Variants in CPSF6 observed in about 807,000 individuals in gnomAD.
CPSF6 encodes cleavage and polyadenylation specific factor 6, also known as cleavage and polyadenylation specificity factor subunit 6.
CPSF6 carries 10 observed loss-of-function variants against 56.7 expected under a neutral mutation model. That is an observed-to-expected ratio of 0.18 (90% confidence interval 0.11 to 0.30). The LOEUF is 0.30. Among genes scored for constraint, CPSF6 ranks in the 10% least tolerant of loss-of-function variants. CPSF6 has a pLI of 1.00. For missense variants in CPSF6, 419 were observed against 722.9 expected, an observed-to-expected ratio of 0.58 and a Z score of 4.82; for synonymous variants, 248 against 244.8, an observed-to-expected ratio of 1.01 and a Z score of -0.12.
chr12:69,258,305 G>A lies in CPSF6; in HGVS notation c.695-285G>A, dbSNP rs2120564290. On this transcript the variant is annotated intron_variant, in intron 5 of 9. Transcript: ENST00000435070. The surrounding 1 kb of genome is among the most constrained non-coding windows in gnomAD (Gnocchi z 4.2). ...TATAAGGTGGGTGATTTCACTGTAA[G>A]AAGTGTGTGTACACGGAAAGATGGA... The A allele has an allele frequency of 5.0e-6, 3 of 601,774 alleles. No homozygotes were observed. The highest frequency in any genetic ancestry group is 4.6e-5 in the South Asian group (2 of 43,424). 37.3% of individuals were successfully genotyped at this position (601,774 alleles called of 1,614,324 possible). A position where few individuals can be genotyped will look rare whatever the true frequency, so the allele number is the denominator to read the frequency against.
At chr12:69,252,371 A>G (rs1486539609) in intron 2 of CPSF6, among the ~76,000 whole-genome samples, 4 of 152,206 alleles carry the variant, frequency 2.6e-5, no homozygotes, top group African/African-American at 9.7e-5. Context: ...TGCCCAGCCT[A>G]TTTACATTTC....
chr12:69,258,985 C>T lies in CPSF6; in HGVS notation c.1090C>T (p.Pro364Ser). ...APHVNPAFFP[P>S]PTNSGMPTSD... The stretch of plus-strand genomic sequence containing the variant: ...GCATGTGAACCCAGCTTTCTTTCCT[C>T]CACCAACTAACAGTGGCATGCCTAC... Residue 364 changes from proline (P) to serine (S), a missense_variant, in exon 6 of 10, where the codon CCA becomes TCA. Physicochemically the swap from Pro to Ser is moderately conservative, Grantham distance 74 (BLOSUM62 -1). This residue lies in a region of CPSF6 where 211 missense variants were observed against 296.0 expected (regional missense o/e 0.71). Transcript: ENST00000435070. The surrounding 1 kb of genome is among the most constrained non-coding windows in gnomAD (Gnocchi z 4.2). The T allele has an allele frequency of 6.2e-7, 1 of 1,613,344 alleles. No homozygotes were observed. The highest frequency in any genetic ancestry group is 8.5e-7 in the Non-Finnish European group (1 of 1,180,036).
At chr12:69,252,040 A>G (rs1486124607) in intron 2 of CPSF6, 2 of 455,970 alleles carry the variant, frequency 4.4e-6, no homozygotes, top group Non-Finnish European at 8.8e-6. Flanking sequence ...CATTTCCTTA[A>G]TAACACTGTA....
At chr12:69,262,319 AT>A in intron 8 of CPSF6, 53 bp from the exon 9 acceptor site, 1 of 1,448,436 alleles carries the variant, frequency 6.9e-7, no homozygotes, top group African/African-American at 1.4e-5. Flanking sequence ...AAAATTGAAT[AT>A]TTTTAGGCTA....
Position 69,239,716 on chromosome 12 carries a change from A to C in CPSF6, c.60+10A>C. On this transcript the variant is annotated intron_variant, in intron 1 of 9. Transcript: ENST00000435070. The stretch of plus-strand genomic sequence containing the variant: ...CGAAGAGTTCAACCAGGTACGTGAG[A>C]GCCCAGGTCCCCGCCGCCGACGCGG... 1 of 1,571,640 alleles carries C rather than the reference A, an allele frequency of 6.4e-7. No individual in the cohort carries two copies. Among genetic ancestry groups the C allele is most frequent in the Non-Finnish European group, 8.6e-7 (1 of 1,159,710 alleles).
At chr12:69,256,634 G>A (rs1806614030) in intron 3 of CPSF6, 63 bp from the exon 4 acceptor site, 1 of 1,479,622 alleles carries the variant, frequency 6.8e-7, no homozygotes, top group East Asian at 2.3e-5. Flanking sequence ...TTTTACAGAA[G>A]AATAACAGTA....
At chr12:69,251,410 C>T in intron 2 of CPSF6, 72 bp downstream of exon 2, 1 of 1,021,368 alleles carries the variant, frequency 9.8e-7, no homozygotes, top group Non-Finnish European at 1.4e-6. Context: ...TAATGTTTTT[C>T]TCCAGATTTT....
At chr12:69,250,590 CAAAAA>C (rs61337613) in intron 1 of CPSF6, among the ~76,000 whole-genome samples, 4 of 48,860 alleles carry the variant, frequency 8.2e-5, no homozygotes, top group African/African-American at 1.6e-4. Flanking sequence ...CTGGTCTCTA[CAAAAA>C]AAAAAAAAAA....
At chr12:69,264,488 A>G (rs1303843921) in intron 9 of CPSF6, among the ~76,000 whole-genome samples, 4 of 152,140 alleles carry the variant, frequency 2.6e-5, no homozygotes, top group Admixed American at 2.0e-4. Flanking sequence ...ACACCTAAAT[A>G]TATCATGACT....
rs950853400 is a variant in CPSF6 at position 69,259,614 on chromosome 12, C to A, written c.1315+71C>A. 3.2e-6 allele frequency: 4 copies of A among 1,265,702 alleles called. No individual in the cohort carries two copies. In the Admixed American group the frequency reaches 7.1e-5, roughly 22 times the overall value. 78.4% of individuals were successfully genotyped at this position (1,265,702 alleles called of 1,614,324 possible). On this transcript the variant is annotated intron_variant, in intron 7 of 9. Coordinates refer to ENST00000435070, the MANE Select transcript of CPSF6 (RefSeq NM_007007.3). The stretch of plus-strand genomic sequence containing the variant: ...AATGACCTAAAAATGTAAGTACAAT[C>A]TAGAAGATAGGTCATTTACATGTAG...
At position 69,258,800 on chromosome 12, in the gene CPSF6, G is replaced by A. The variant is rs1872619832; in HGVS notation, c.905G>A (p.Gly302Asp). 1.2e-6 allele frequency: 2 copies of A among 1,613,518 alleles called. No individual in the cohort carries two copies. Among genetic ancestry groups the A allele is most frequent in the South Asian group, 1.1e-5 (1 of 91,042 alleles). ...LPPGPPPPVP[G>D]YGPPPGPPPP... ...CCTGGCCCTCCACCTCCAGTTCCAG[G>A]CTACGGCCCCCCTCCTGGCCCACCA... The change falls in exon 6 of 10, where the codon GGC becomes GAC. Residue 302 changes from glycine (G) to aspartate (D), a missense_variant. Gly to Asp is a moderately conservative substitution (Grantham distance 94). This residue lies in a region of CPSF6 where 211 missense variants were observed against 296.0 expected (regional missense o/e 0.71). Transcript: ENST00000435070. The surrounding 1 kb of genome is among the most constrained non-coding windows in gnomAD (Gnocchi z 4.2).
rs1286779613 is a variant in CPSF6 at position 69,271,272 on chromosome 12, A to T, written c.*1764A>T. On this transcript the variant is annotated 3_prime_UTR_variant, in exon 10 of 10. Transcript: ENST00000435070. ...TAACATTATTTTAGAGTTGTATCAA[A>T]ATTTTCCTGTTTTCTGTATATTGTT... 6.6e-6 allele frequency: 1 copy of T among 152,098 alleles called. No homozygotes were observed. The highest frequency in any genetic ancestry group is 1.5e-5 in the Non-Finnish European group (1 of 67,660). 9.4% of individuals were successfully genotyped at this position (152,098 alleles called of 1,614,324 possible).
intron 1 of CPSF6, among the ~76,000 whole-genome samples, chr12:69,250,714 T>C (rs534735667): frequency 2.6e-5 from 4 of 152,248 alleles, no homozygotes; most frequent in Admixed American, 2.6e-4. Context: ...TGGCACGATC[T>C]TGGCTCACTA....
chr12:69,240,353 G>A (rs901634470), intron 1 of CPSF6, among the ~76,000 whole-genome samples: 1 of 152,230 alleles, frequency 6.6e-6, no homozygotes, highest in African/African-American at 2.4e-5. Context: ...AGGCGACTGA[G>A]GTGCGGGCTC....
At position 69,260,009 on chromosome 12, in the gene CPSF6, T is replaced by C. The variant is rs200281053; in HGVS notation, c.1316-35T>C. The C allele has an allele frequency of 1.1e-4, 175 of 1,601,394 alleles. No homozygotes were observed. In the African/African-American group the frequency reaches 2.0e-3, roughly 18 times the overall value. On this transcript the variant is annotated intron_variant, in intron 7 of 9. Transcript: ENST00000435070. ...TTTGATGGTGTTTTGAAAACAAAATTTGTTTGACTTCAAACCCTTTCCTTT... is the reference window on the plus strand; with the variant it reads ...TTTGATGGTGTTTTGAAAACAAAATCTGTTTGACTTCAAACCCTTTCCTTT...
chr12:69,269,483 T>C (rs1440482744), intron 9 of CPSF6, 29 bp from the exon 10 acceptor site: 6 of 452,400 alleles, frequency 1.3e-5, no homozygotes, highest in African/African-American at 2.0e-5. Context: ...AATAGCAAAA[T>C]CTACATCACA....
At chr12:69,248,566 CT>C (rs1872036444) in intron 1 of CPSF6, among the ~76,000 whole-genome samples, 1 of 152,156 alleles carries the variant, frequency 6.6e-6, no homozygotes. Flanking sequence ...AACTTACCCT[CT>C]TTTTTCCTAA....
intron 3 of CPSF6, 31 bp from the exon 4 acceptor site, chr12:69,256,666 T>C (rs761647894): frequency 6.3e-7 from 1 of 1,583,806 alleles, no homozygotes; most frequent in Non-Finnish European, 8.6e-7. Flanking sequence ...CTCTTTTTAC[T>C]TTGTATCCTC....
chr12:69,273,327 T>C lies in CPSF6; in HGVS notation c.*3819T>C, dbSNP rs919276047. The C allele has an allele frequency of 7.1e-6, 2 of 281,280 alleles. No homozygotes were observed. The highest frequency in any genetic ancestry group is 2.2e-5 in the African/African-American group (1 of 44,880). 17.4% of individuals were successfully genotyped at this position (281,280 alleles called of 1,614,324 possible). A position where few individuals can be genotyped will look rare whatever the true frequency, so the allele number is the denominator to read the frequency against. ...TTCACTGAGTATGCAGCTACTATGGTTTTTGTATGGGACGTATAAATACTT... is the reference window on the plus strand; with the variant it reads ...TTCACTGAGTATGCAGCTACTATGGCTTTTGTATGGGACGTATAAATACTT... On this transcript the variant is annotated 3_prime_UTR_variant, in exon 10 of 10. Transcript: ENST00000435070.
Sources: allele counts gnomAD v4.1 joint callset (sites outside exome capture counted in the v4.1 genomes callset), GRCh38; gene constraint gnomAD v4.1.1; regional missense constraint gnomAD v4.1.1; non-coding constraint Gnocchi (gnomAD v3.1); transcripts MANE v1.5; gene names NCBI Gene and HGNC (gene_info 2026-07-23, HGNC 2026-07-21).